SGCD: variants seen among roughly 807,000 people sequenced by gnomAD.
SGCD encodes the protein sarcoglycan delta.
A neutral mutation model predicts 36.6 loss-of-function variants in SGCD; 18 were observed. That is an observed-to-expected ratio of 0.49 (90% CI 0.34 to 0.73). SGCD has a LOEUF of 0.73. SGCD is among the 30% of genes least tolerant of loss of function. The pLI, the probability that SGCD is intolerant of heterozygous loss-of-function variation, is 0.01. For missense variants in SGCD, 387 were observed against 346.7 expected (o/e 1.12, Z -0.92); for synonymous variants, 133 against 130.6 (o/e 1.02, Z -0.12).
At chr5:156,299,338 C>A (rs1478071680) in intron 3 of SGCD, among the ~76,000 whole-genome samples, 1 of 151,992 alleles carries the variant, frequency 6.6e-6, no homozygotes, top group Admixed American at 6.6e-5. Flanking sequence ...ATTTGGTTAC[C>A]ATAGCTCTGT....
upstream of SGCD, among the ~76,000 whole-genome samples, chr5:156,324,804 G>A (rs966466634): frequency 5.9e-5 from 9 of 151,832 alleles, no homozygotes; most frequent in Non-Finnish European, 8.8e-5. Context: ...AACAATAAGC[G>A]GTTCATTAGC....
chr5:155,852,082 T>TG, the SGCD span, among the ~76,000 whole-genome samples: 1 of 152,218 alleles, frequency 6.6e-6, no homozygotes, highest in African/African-American at 2.4e-5. Context: ...TGACAGGACT[T>TG]GCTGTGGAAC....
At chr5:155,956,323 T>C (rs1378946630) in intron 1 of SGCD, among the ~76,000 whole-genome samples, 1 of 152,046 alleles carries the variant, frequency 6.6e-6, no homozygotes. Flanking sequence ...TTTTTGAAGT[T>C]AGGAGCATTT....
intron 7 of SGCD, among the ~76,000 whole-genome samples, chr5:156,701,765 G>A (rs1754537930): frequency 1.3e-5 from 2 of 152,108 alleles, no homozygotes; most frequent in African/African-American, 2.4e-5. Context: ...AGGATTTTTA[G>A]TACCCTTTAA....
At chr5:155,972,862 G>A (rs572926116) in intron 1 of SGCD, among the ~76,000 whole-genome samples, 46 of 151,992 alleles carry the variant, frequency 3.0e-4, no homozygotes, top group African/African-American at 8.7e-4. Flanking sequence ...TCACCTTTTC[G>A]TTTGTCAATT....
chr5:156,625,269 T>C (rs1372037946), intron 6 of SGCD, among the ~76,000 whole-genome samples: 1 of 152,182 alleles, frequency 6.6e-6, no homozygotes, highest in Non-Finnish European at 1.5e-5. Context: ...TACAAATCCC[T>C]TCTCAAAATT....
chr5:156,406,255 T>G (rs1185639288), intron 3 of SGCD, among the ~76,000 whole-genome samples: 1 of 152,088 alleles, frequency 6.6e-6, no homozygotes, highest in Non-Finnish European at 1.5e-5. Flanking sequence ...TTGTAATTCC[T>G]GGGCCATTAA....
intron 4 of SGCD, among the ~76,000 whole-genome samples, chr5:156,530,497 A>G (rs921722930): frequency 1.3e-5 from 2 of 150,962 alleles, no homozygotes; most frequent in East Asian, 3.9e-4. Flanking sequence ...AGTTTTTTGT[A>G]TTGTCTTGCC....
the SGCD span, among the ~76,000 whole-genome samples, chr5:155,742,592 A>T: frequency 6.6e-6 from 1 of 152,208 alleles, no homozygotes; most frequent in South Asian, 2.1e-4. Context: ...CCACGTTCAG[A>T]CGTTACAAGC....
intron 7 of SGCD, among the ~76,000 whole-genome samples, chr5:156,691,943 GT>G (rs1357333008): frequency 8.5e-6 from 1 of 118,112 alleles, no homozygotes; most frequent in Non-Finnish European, 1.7e-5. Context: ...TATATGAACT[GT>G]TAGAATGTAA....
At chr5:155,730,445 C>CTGTGTATGTGTGTG in the SGCD span, among the ~76,000 whole-genome samples, 2 of 137,196 alleles carry the variant, frequency 1.5e-5, no homozygotes, top group African/African-American at 5.6e-5. Flanking sequence ...GGTAGAGCAG[C>CTGTGTATGTGTGTG]TGTGTGTGTG....
intron 6 of SGCD, among the ~76,000 whole-genome samples, chr5:156,637,377 G>A (rs1762868987): frequency 6.6e-6 from 1 of 152,150 alleles, no homozygotes; most frequent in Admixed American, 6.6e-5. Context: ...ATGGTAGACA[G>A]TTGCTGGCAG....
At chr5:156,416,542 TG>T (rs975636613) in intron 3 of SGCD, among the ~76,000 whole-genome samples, 23 of 151,852 alleles carry the variant, frequency 1.5e-4, no homozygotes, top group Middle Eastern at 6.8e-3. Context: ...ATGAAAAAAA[TG>T]GGGGGGGAAA....
chr5:155,985,009 T>A (rs6898317), intron 1 of SGCD, among the ~76,000 whole-genome samples: 3,110 of 152,296 alleles, frequency 0.02, 93 homozygotes, highest in African/African-American at 0.071. Context: ...CAAAAATAGA[T>A]ACTGGGTGGA....
intron 3 of SGCD, among the ~76,000 whole-genome samples, chr5:156,495,217 G>A (rs138864971): frequency 6.4e-4 from 97 of 152,230 alleles, no homozygotes; most frequent in African/African-American, 2.1e-3. Context: ...CTTCTCTTTA[G>A]TTAAGGCTAA....
At chr5:155,983,395 G>A (rs1758267607) in intron 1 of SGCD, among the ~76,000 whole-genome samples, 2 of 152,160 alleles carry the variant, frequency 1.3e-5, no homozygotes, top group South Asian at 4.1e-4. Context: ...CACCTCCCAG[G>A]TTCGAGTGAT....
chr5:156,490,112 A>C (rs1419062844), intron 3 of SGCD, among the ~76,000 whole-genome samples: 1 of 152,066 alleles, frequency 6.6e-6, no homozygotes, highest in Admixed American at 6.6e-5. Context: ...AATCTAGCGG[A>C]AATGGATAAA....
chr5:156,561,523 C>G (rs1049211259), intron 4 of SGCD, among the ~76,000 whole-genome samples: 9 of 152,218 alleles, frequency 5.9e-5, no homozygotes, highest in African/African-American at 2.2e-4. Flanking sequence ...ATGATTCAGG[C>G]TCTGATTATC....
intron 3 of SGCD, among the ~76,000 whole-genome samples, chr5:156,227,085 A>G (rs1293521776): frequency 1.3e-5 from 2 of 152,108 alleles, no homozygotes; most frequent in African/African-American, 4.8e-5. Context: ...TTGCCATGCA[A>G]AAGATCATTA....
Sources: gnomAD v4.1 joint callset for allele counts (sites outside exome capture counted in the v4.1 genomes callset) on GRCh38, gnomAD v4.1.1 for gene constraint, MANE v1.5 for transcripts, NCBI Gene and HGNC (gene_info 2026-07-23, HGNC 2026-07-21) for gene names.